The following ITGAM variants were observed in gnomAD, a reference collection of about 807,000 sequenced individuals.
The protein encoded by ITGAM is integrin alpha-M.
Under a neutral mutation model 137.5 loss-of-function variants are expected in ITGAM, and 79 were observed. The observed-to-expected ratio is 0.57, with a 90% CI of 0.48 to 0.69. The LOEUF (loss-of-function observed/expected upper bound fraction) is 0.69. Among genes scored for constraint, ITGAM ranks in the 30% least tolerant of loss-of-function variants. The pLI is 0.00. For synonymous variants in ITGAM, 583 were observed against 592.3 expected (o/e 0.98, Z 0.23); for missense variants, 1,343 against 1,483.5 (o/e 0.91, Z 1.56).
At chr16:31,276,649 T>C (rs777856060) in intron 9 of ITGAM, 22 bp from the exon 10 acceptor site, 5 of 1,586,490 alleles carry the variant, frequency 3.2e-6, no homozygotes, top group South Asian at 1.1e-5. Context: ...TTCTTTAATA[T>C]AGAAACTTCT....
intron 1 of ITGAM, among the ~76,000 whole-genome samples, chr16:31,260,322 G>A (rs567965346): frequency 2.1e-4 from 32 of 152,240 alleles, no homozygotes; most frequent in Non-Finnish European, 3.8e-4. Flanking sequence ...GCTGCTTGCC[G>A]GTCCCCTTGC....
At chr16:31,311,102 T>A (rs986915912) in intron 14 of ITGAM, among the ~76,000 whole-genome samples, 10 of 152,170 alleles carry the variant, frequency 6.6e-5, no homozygotes, top group Non-Finnish European at 8.8e-5. Context: ...TGAAACTGGA[T>A]CCCTTCCTTA....
chr16:31,268,380 G>A (rs1225259625), intron 5 of ITGAM, among the ~76,000 whole-genome samples: 1 of 152,144 alleles, frequency 6.6e-6, no homozygotes, highest in Non-Finnish European at 1.5e-5. Context: ...TTCAAAATTC[G>A]AAAGGGTGCG....
At chr16:31,282,679 C>T (rs1046048710) in intron 12 of ITGAM, among the ~76,000 whole-genome samples, 4 of 152,154 alleles carry the variant, frequency 2.6e-5, no homozygotes, top group African/African-American at 9.7e-5. Flanking sequence ...TCCAATTTGC[C>T]AGTCTGTGCC....
intron 14 of ITGAM, among the ~76,000 whole-genome samples, chr16:31,308,672 G>A (rs1230923927): frequency 6.6e-6 from 1 of 152,180 alleles, no homozygotes; most frequent in African/African-American, 2.4e-5. Context: ...TCTAATCTTA[G>A]TTATTTCTTG....
rs1260652039 is a variant in ITGAM, at chr16:31,276,690, C to A, written c.1029C>A (p.Ser343Arg). ...TTACAGGTACTCAGACAGGAAGTAG[C>A]AGCTCCTTTGAGCATGAGATGTCTC... ...FAIEGTQTGSSSSFEHEMSQE... is the reference protein window; with the variant it reads ...FAIEGTQTGSRSSFEHEMSQE... Residue 343 changes from serine (S) to arginine (R), a missense_variant, in exon 10 of 30, where the codon AGC becomes AGA. Transcript: ENST00000544665. The A allele has an allele frequency of 6.2e-7, 1 of 1,611,504 alleles. No homozygotes were observed. The highest frequency in any genetic ancestry group is 8.5e-7 in the Non-Finnish European group (1 of 1,178,684).
chr16:31,279,620 T>G (rs2079946378), intron 12 of ITGAM, among the ~76,000 whole-genome samples: 2 of 152,360 alleles, frequency 1.3e-5, no homozygotes, highest in Middle Eastern at 3.4e-3. Context: ...TTAAGTTCTT[T>G]GTAGATTCTG....
chr16:31,328,818 A>C (rs1476593077), intron 23 of ITGAM, among the ~76,000 whole-genome samples: 1 of 124,992 alleles, frequency 8.0e-6, no homozygotes, highest in African/African-American at 3.2e-5. Flanking sequence ...GTCTATGTGC[A>C]TGTGTGTGCG....
Position 31,329,805 on chromosome 16 carries a change from A to T in ITGAM, c.2876A>T (p.Asn959Ile). 1 of 1,554,664 alleles carries T rather than the reference A, an allele frequency of 6.4e-7. No individual in the cohort carries two copies. Among genetic ancestry groups the T allele is most frequent in the Admixed American group, 2.0e-5 (1 of 51,208 alleles). ...CCGCCCTCCCCGGTGCAGGTCAGCA[A>T]CCTGGGGCAGAGGAGCCTCCCCATC... ...RVMQHQYQVS[N>I]LGQRSLPISL... is the part of the protein sequence containing the mutation. The change falls in exon 25 of 30, where the codon AAC (asparagine) becomes ATC (isoleucine). Residue 959 changes from asparagine (N) to isoleucine (I), a missense_variant. Coordinates refer to ENST00000544665, the MANE Select transcript of ITGAM (RefSeq NM_000632.4).
rs538361457 is a variant in ITGAM at position 31,328,825 on chromosome 16, T to C, written c.2793-403T>C. ...GTGTGAAGGTCTATGTGCATGTGTG[T>C]GCGCATGGGTGTGTATTTGTGCATG... On this transcript the variant is annotated intron_variant, in intron 23 of 29. Transcript: ENST00000544665. Among the ~76,000 whole-genome samples the C allele has an allele frequency of 4.0e-5, 6 of 151,418 alleles. No individual in the cohort carries two copies. The East Asian group carries it at 5.9e-4, about 15-fold the overall frequency.
chr16:31,325,111 G>A, intron 19 of ITGAM, 80 bp downstream of exon 19: 1 of 1,481,596 alleles, frequency 6.7e-7, no homozygotes, highest in Non-Finnish European at 9.2e-7. Context: ...GGCCCCCAAG[G>A]GAGCCGGGTG....
intron 14 of ITGAM, 47 bp from the exon 15 acceptor site, chr16:31,321,193 CT>C: frequency 6.2e-7 from 1 of 1,607,002 alleles, no homozygotes; most frequent in Non-Finnish European, 8.5e-7. Context: ...TATACATCTC[CT>C]GTCTTTCCTA....
intron 14 of ITGAM, among the ~76,000 whole-genome samples, chr16:31,307,294 C>A (rs1195560482): frequency 6.6e-6 from 1 of 152,138 alleles, no homozygotes; most frequent in African/African-American, 2.4e-5. Context: ...GAATGTTCTT[C>A]CATTTGTTTG....
At chr16:31,278,250 C>A in intron 12 of ITGAM, 141 bp downstream of exon 12, 1 of 871,666 alleles carries the variant, frequency 1.1e-6, no homozygotes, top group Non-Finnish European at 1.7e-6. Flanking sequence ...GTTGTGGGAT[C>A]AGCTTAGCAT....
rs201861297 is a variant in ITGAM at position 31,321,396 on chromosome 16, C to T, written c.1838+25C>T. The T allele has an allele frequency of 3.2e-5, 51 of 1,613,766 alleles. No individual in the cohort carries two copies. In the African/African-American group the frequency reaches 3.2e-4, roughly 10 times the overall value. Reference sequence around the variant, plus strand: ...GGTGAGAATGCCTTTTGGAGTCAACCGGACATTCTCCCTTGAAGGAATGTT... The same window carrying T: ...GGTGAGAATGCCTTTTGGAGTCAACTGGACATTCTCCCTTGAAGGAATGTT... On this transcript the variant is annotated intron_variant, in intron 15 of 29. Transcript: ENST00000544665.
At chr16:31,325,426 T>C (rs373761442) in intron 20 of ITGAM, 22 bp downstream of exon 20, 31 of 1,612,526 alleles carry the variant, frequency 1.9e-5, no homozygotes, top group Middle Eastern at 1.6e-4. Flanking sequence ...CTTCTCAGGC[T>C]CTATCTGACC....
chr16:31,290,688 T>C (rs1394744758), intron 12 of ITGAM, among the ~76,000 whole-genome samples: 3 of 152,150 alleles, frequency 2.0e-5, no homozygotes, highest in African/African-American at 7.2e-5. Context: ...CAAGAATATC[T>C]ACTTTTATAA....
intron 3 of ITGAM, 42 bp from the exon 4 acceptor site, chr16:31,265,769 G>A (rs1426149763): frequency 6.4e-7 from 1 of 1,573,602 alleles, no homozygotes; most frequent in East Asian, 2.2e-5. Flanking sequence ...AGCCTTCTCT[G>A]TCCCCCCACC....
At chr16:31,270,672 C>T (rs1289160095) in intron 5 of ITGAM, among the ~76,000 whole-genome samples, 1 of 105,806 alleles carries the variant, frequency 9.5e-6, no homozygotes, top group Non-Finnish European at 1.8e-5. Context: ...TGCCAACATG[C>T]CTGACTAATT....
Sources: allele counts gnomAD v4.1 joint callset (sites outside exome capture counted in the v4.1 genomes callset), GRCh38; gene constraint gnomAD v4.1.1; transcripts MANE v1.5; gene names NCBI Gene and HGNC (gene_info 2026-07-23, HGNC 2026-07-21).